MGLL: variants seen among roughly 807,000 people sequenced by gnomAD.
MGLL encodes the protein monoglyceride lipase.
Under a neutral mutation model 29.1 loss-of-function variants are expected in MGLL, and 7 were observed. That is an observed-to-expected ratio of 0.24 (90% CI 0.14 to 0.45). The LOEUF (loss-of-function observed/expected upper bound fraction) is 0.45, where lower values mean the gene tolerates loss of function less well. MGLL is among the 20% of genes least tolerant of loss of function. The pLI is 0.99. For synonymous variants in MGLL, 148 were observed against 168.3 expected (o/e 0.88, Z 0.93); for missense variants, 356 against 413.6 (o/e 0.86, Z 1.21).
intron 3 of MGLL, among the ~76,000 whole-genome samples, chr3:127,725,250 G>C (rs769381354): frequency 6.6e-6 from 1 of 152,060 alleles, no homozygotes; most frequent in Non-Finnish European, 1.5e-5. Flanking sequence ...CTTCTCATCT[G>C]GCTGTGTTTT....
intron 3 of MGLL, among the ~76,000 whole-genome samples, chr3:127,769,608 G>C (rs954487047): frequency 2.6e-5 from 4 of 152,232 alleles, no homozygotes; most frequent in African/African-American, 9.6e-5. Context: ...TCCAGGTCCA[G>C]GGAGTACTGG....
chr3:127,692,868 G>A (rs190040062), intron 7 of MGLL, among the ~76,000 whole-genome samples: 348 of 152,224 alleles, frequency 2.3e-3, no homozygotes, highest in Middle Eastern at 6.8e-3. Flanking sequence ...CAACCTAGCC[G>A]GCAGATCCTT....
chr3:127,719,008 G>C (rs1445086001), intron 5 of MGLL, among the ~76,000 whole-genome samples: 1 of 152,202 alleles, frequency 6.6e-6, no homozygotes. Flanking sequence ...AGATCTCAGG[G>C]AGGGGAAGCT....
At chr3:127,802,542 T>C (rs984501322) in intron 2 of MGLL, among the ~76,000 whole-genome samples, 4 of 152,200 alleles carry the variant, frequency 2.6e-5, no homozygotes, top group African/African-American at 9.7e-5. Flanking sequence ...ATGGCTATTA[T>C]TACTCCTCCA....
At chr3:127,809,565 G>T (rs2077625269) in intron 2 of MGLL, among the ~76,000 whole-genome samples, 1 of 152,036 alleles carries the variant, frequency 6.6e-6, no homozygotes, top group Non-Finnish European at 1.5e-5. Flanking sequence ...GTTGGAGACT[G>T]CAGTGAGCTA....
chr3:127,819,250 G>C (rs1012507541), intron 2 of MGLL, among the ~76,000 whole-genome samples: 1 of 152,194 alleles, frequency 6.6e-6, no homozygotes, highest in South Asian at 2.1e-4. Flanking sequence ...AGGTCCTCTG[G>C]GGGCAATATG....
At chr3:127,767,026 T>C (rs2076869910) in intron 3 of MGLL, among the ~76,000 whole-genome samples, 2 of 151,942 alleles carry the variant, frequency 1.3e-5, no homozygotes, top group South Asian at 2.1e-4. Flanking sequence ...AGGGCCGAGA[T>C]TGCACCACTG....
chr3:127,783,079 AT>A (rs2077155586), intron 2 of MGLL, among the ~76,000 whole-genome samples: 1 of 122,542 alleles, frequency 8.2e-6, no homozygotes, highest in Admixed American at 1.1e-4. Flanking sequence ...GGAGACTGAG[AT>A]TGCAGTTGAG....
chr3:127,738,660 GC>G (rs1197909551), intron 3 of MGLL, among the ~76,000 whole-genome samples: 26 of 152,182 alleles, frequency 1.7e-4, no homozygotes, highest in Non-Finnish European at 1.5e-5. Context: ...TGGGCACACT[GC>G]TCAGCTTCCA....
chr3:127,693,012 C>T (rs116383252), intron 7 of MGLL, among the ~76,000 whole-genome samples: 1,875 of 152,238 alleles, frequency 0.012, 52 homozygotes, highest in African/African-American at 0.043. Flanking sequence ...CTGATGACTC[C>T]GGAATTTACA....
chr3:127,787,863 T>G (rs1017135015), intron 2 of MGLL, among the ~76,000 whole-genome samples: 1 of 152,240 alleles, frequency 6.6e-6, no homozygotes, highest in African/African-American at 2.4e-5. Context: ...CCGGGCTGCG[T>G]GTGGGCTTGT....
chr3:127,812,944 T>G (rs1044461087), intron 2 of MGLL, among the ~76,000 whole-genome samples: 1 of 152,136 alleles, frequency 6.6e-6, no homozygotes, highest in Non-Finnish European at 1.5e-5. Flanking sequence ...TCAGAGAGGC[T>G]ATGTTTCCCT....
At chr3:127,799,186 G>C (rs779955558) in intron 2 of MGLL, among the ~76,000 whole-genome samples, 10 of 152,114 alleles carry the variant, frequency 6.6e-5, no homozygotes, top group Non-Finnish European at 1.2e-4. Flanking sequence ...GAGCATCTAC[G>C]TGCCCCAGAA....
intron 3 of MGLL, among the ~76,000 whole-genome samples, chr3:127,725,335 T>C (rs1409836552): frequency 1.3e-5 from 2 of 152,230 alleles, no homozygotes; most frequent in African/African-American, 4.8e-5. Flanking sequence ...AAAAATTGCA[T>C]TTTAAAAGAC....
intron 2 of MGLL, among the ~76,000 whole-genome samples, chr3:127,796,778 C>A (rs954244107): frequency 2.6e-5 from 4 of 152,094 alleles, no homozygotes; most frequent in African/African-American, 7.2e-5. Flanking sequence ...GTAGGCCTAC[C>A]CTGAAGTTAT....
At chr3:127,782,326 C>T (rs1250100911) in intron 2 of MGLL, among the ~76,000 whole-genome samples, 2 of 152,144 alleles carry the variant, frequency 1.3e-5, no homozygotes, top group Non-Finnish European at 2.9e-5. Flanking sequence ...ACCATGGGCT[C>T]CAGGCATTGT....
intron 3 of MGLL, among the ~76,000 whole-genome samples, chr3:127,723,963 T>C (rs908815898): frequency 3.9e-5 from 6 of 152,068 alleles, no homozygotes; most frequent in African/African-American, 1.5e-4. Flanking sequence ...TGGTGTCCTG[T>C]AAGGAGAGGG....
intron 6 of MGLL, among the ~76,000 whole-genome samples, chr3:127,701,526 C>T (rs976239343): frequency 2.6e-5 from 4 of 152,206 alleles, no homozygotes; most frequent in African/African-American, 9.7e-5. Flanking sequence ...CCCATGGGGG[C>T]TGCAGGGCAA....
chr3:127,707,919 T>G (rs536881589), intron 6 of MGLL, among the ~76,000 whole-genome samples: 1 of 152,214 alleles, frequency 6.6e-6, no homozygotes, highest in Admixed American at 6.5e-5. Flanking sequence ...ATTCTGCTTC[T>G]GACATTCTGG....
Sources: allele counts gnomAD v4.1 joint callset (sites outside exome capture counted in the v4.1 genomes callset), GRCh38; gene constraint gnomAD v4.1.1; transcripts MANE v1.5; gene names NCBI Gene and HGNC (gene_info 2026-07-23, HGNC 2026-07-21).